Variants in G3BP2 observed in about 807,000 individuals in gnomAD.
G3BP2 encodes the protein ras GTPase-activating protein-binding protein 2.
In G3BP2, 11 loss-of-function variants were observed where a neutral mutation model predicts 56.7. The observed-to-expected ratio is 0.19, with a 90% CI of 0.12 to 0.32. The LOEUF (loss-of-function observed/expected upper bound fraction) is 0.32, where lower values mean the gene tolerates loss of function less well. Among genes scored for constraint, G3BP2 ranks in the 10% least tolerant of loss-of-function variants. The pLI, the probability that G3BP2 is intolerant of heterozygous loss-of-function variation, is 1.00. For missense variants in G3BP2, 340 were observed against 610.9 expected (o/e 0.56, Z 4.67); for synonymous variants, 165 against 191.6 (o/e 0.86, Z 1.15).
chr4:75,659,353 C>T (rs1732365770), intron 2 of G3BP2, among the ~76,000 whole-genome samples: 1 of 152,094 alleles, frequency 6.6e-6, no homozygotes, highest in East Asian at 1.9e-4. Flanking sequence ...AATACTGTAT[C>T]CAGATCTCCA....
intron 3 of G3BP2, among the ~76,000 whole-genome samples, chr4:75,707,772 T>C (rs1719609132): frequency 6.6e-6 from 1 of 152,144 alleles, no homozygotes; most frequent in Non-Finnish European, 1.5e-5. Flanking sequence ...TGAACTTGCA[T>C]TTTTCAAACT....
chr4:75,645,706 T>C lies in G3BP2; in HGVS notation c.1177-4A>G, dbSNP rs760780343. 2 of 1,612,350 alleles carry C rather than the reference T, an allele frequency of 1.2e-6. No individual in the cohort carries two copies. Among genetic ancestry groups the C allele is most frequent in the African/African-American group, 2.7e-5 (2 of 74,824 alleles). ...CTTCCCCTCGAAACATAATCGGCTT[T>C]ATAAAAGAGAAGAAAAATATTTACA... On this transcript the variant is annotated splice_region_variant and splice_polypyrimidine_tract_variant and intron_variant, in intron 11 of 11. Coordinates refer to ENST00000359707, the MANE Select transcript of G3BP2 (RefSeq NM_203505.3).
rs895648852 is a variant in G3BP2 at position 75,644,839 on chromosome 4, A to G, written c.*591T>C. The G allele has an allele frequency of 1.3e-5, 2 of 152,968 alleles. No homozygotes were observed. Among genetic ancestry groups the G allele is most frequent in the African/African-American group, 2.4e-5 (1 of 41,472 alleles). 9.5% of individuals were successfully genotyped at this position (152,968 alleles called of 1,614,324 possible). On this transcript the variant is annotated 3_prime_UTR_variant, in exon 12 of 12. Transcript: ENST00000359707. ...TGTACACACGCTGGTCACAGCAAGC[A>G]GATAAAATGCCCTCATCATTTCACA...
Position 75,655,147 on chromosome 4 carries a change from C to T in G3BP2, c.645G>A (p.Glu215=), listed in dbSNP as rs773203267. Residue 215 remains glutamate (E), a synonymous_variant, in exon 7 of 12, where the codon GAG becomes GAA. Coordinates refer to ENST00000359707, the MANE Select transcript of G3BP2 (RefSeq NM_203505.3). ...TCTCCTCTAGTTCTTCTAAGTTCTT[C>T]TCCTCCACTTGTGGTTTCAGCTCTT... ...KTEELKPQVE[E]KNLEELEEKS... is the part of the protein sequence containing the mutation. The T allele has an allele frequency of 6.2e-7, 1 of 1,613,360 alleles. No homozygotes were observed. The highest frequency in any genetic ancestry group is 8.5e-7 in the Non-Finnish European group (1 of 1,179,290).
chr4:75,709,690 G>C (rs1292891261), intron 3 of G3BP2, among the ~76,000 whole-genome samples: 1 of 152,100 alleles, frequency 6.6e-6, no homozygotes, highest in East Asian at 1.9e-4. Flanking sequence ...GTGTGTGTGT[G>C]GTGGGGCGGG....
rs2148934731 is a variant in G3BP2, at chr4:75,644,183, A to G, written c.*1247T>C. The G allele has an allele frequency of 6.5e-6, 1 of 152,694 alleles. No homozygotes were observed. The highest frequency in any genetic ancestry group is 6.5e-5 in the Admixed American group (1 of 15,300). 9.5% of individuals were successfully genotyped at this position (152,694 alleles called of 1,614,324 possible). On this transcript the variant is annotated 3_prime_UTR_variant, in exon 12 of 12. Coordinates refer to ENST00000359707, the MANE Select transcript of G3BP2 (RefSeq NM_203505.3). ...GACTGCTTTTAAAATGTCACTAAAAATGTACGTCAAGTTGACTGACTTTTC... is the reference window on the plus strand; with the variant it reads ...GACTGCTTTTAAAATGTCACTAAAAGTGTACGTCAAGTTGACTGACTTTTC...
At chr4:75,705,661 A>G (rs1390056541) in intron 3 of G3BP2, among the ~76,000 whole-genome samples, 1 of 152,148 alleles carries the variant, frequency 6.6e-6, no homozygotes, top group Non-Finnish European at 1.5e-5. Flanking sequence ...ATCAGGGCTG[A>G]GTAGTGGAAA....
At chr4:75,709,190 G>A (rs1719660445) in intron 3 of G3BP2, among the ~76,000 whole-genome samples, 1 of 152,096 alleles carries the variant, frequency 6.6e-6, no homozygotes, top group Admixed American at 6.6e-5. Flanking sequence ...GGGAGGCTGA[G>A]GCAGGGGGAT....
chr4:75,678,143 TTTGTTG>T (rs34746702), upstream of G3BP2, among the ~76,000 whole-genome samples: 69 of 151,846 alleles, frequency 4.5e-4, 1 homozygote, highest in South Asian at 0.013. Flanking sequence ...GAAGGGTGGT[TTTGTTG>T]TTGTTGTTGT....
chr4:75,691,950 A>C (rs1315182592), intron 3 of G3BP2, among the ~76,000 whole-genome samples: 2 of 152,202 alleles, frequency 1.3e-5, no homozygotes, highest in Non-Finnish European at 2.9e-5. Flanking sequence ...TTTCCCAAAG[A>C]ACTGAAAATC....
chr4:75,670,312 C>T (rs952819460), intron 1 of G3BP2: 7 of 152,184 alleles, frequency 4.6e-5, no homozygotes, highest in African/African-American at 1.7e-4. Context: ...TTCTGAAATT[C>T]CAGATGGTTT....
chr4:75,667,123 C>T (rs890260022), intron 1 of G3BP2, among the ~76,000 whole-genome samples: 1 of 151,912 alleles, frequency 6.6e-6, no homozygotes, highest in African/African-American at 2.4e-5. Context: ...CCCGTCTCTA[C>T]TAAAAAATAC....
intron 1 of G3BP2, among the ~76,000 whole-genome samples, chr4:75,664,324 C>T (rs764543623): frequency 1.7e-4 from 26 of 152,060 alleles, no homozygotes; most frequent in Non-Finnish European, 2.5e-4. Flanking sequence ...CGCCTGTAAT[C>T]CCAGCACTTC....
intron 8 of G3BP2, among the ~76,000 whole-genome samples, chr4:75,650,426 CAA>C (rs1220235661): frequency 3.0e-4 from 23 of 76,746 alleles, no homozygotes; most frequent in Admixed American, 9.7e-4. Context: ...AACTCCATCT[CAA>C]AAAAAAAAAA....
At chr4:75,707,020 C>CCA (rs1271236358) in intron 3 of G3BP2, among the ~76,000 whole-genome samples, 1 of 151,538 alleles carries the variant, frequency 6.6e-6, no homozygotes, top group East Asian at 2.0e-4. Flanking sequence ...TGGAGAAACC[C>CCA]TGTCTCTACT....
intron 3 of G3BP2, among the ~76,000 whole-genome samples, chr4:75,715,790 T>TA (rs1719906016): frequency 1.3e-5 from 2 of 152,228 alleles, no homozygotes; most frequent in Admixed American, 6.5e-5. Flanking sequence ...TGAAATGTGT[T>TA]AAATACTTCC....
chr4:75,709,719 G>A (rs1719686693), intron 3 of G3BP2, among the ~76,000 whole-genome samples: 1 of 152,096 alleles, frequency 6.6e-6, no homozygotes, highest in Non-Finnish European at 1.5e-5. Flanking sequence ...ATGGGGTTAG[G>A]GGGTCGTGTC....
Position 75,687,581 on chromosome 4 carries a change from G to A in G3BP2, c.-24-25532C>T, listed in dbSNP as rs1477429890. Among the ~76,000 whole-genome samples the A allele has an allele frequency of 2.6e-5, 4 of 152,212 alleles. No individual in the cohort carries two copies. The South Asian group carries it at 6.2e-4, about 24-fold the overall frequency. On this transcript the variant is annotated intron_variant, in intron 3 of 3. Transcript: ENST00000499709. ...ACTTGTCATAGAAACCTGTAAAACT[G>A]ACGAATGATTTGTAACTCTTTGCTT...
Position 75,646,422 on chromosome 4 carries a change from G to C in G3BP2, c.1092C>G (p.Thr364=), listed in dbSNP as rs1246700616. The C allele has an allele frequency of 6.2e-7, 1 of 1,610,562 alleles. No individual in the cohort carries two copies. Among genetic ancestry groups the C allele is most frequent in the East Asian group, 2.2e-5 (1 of 44,810 alleles). The part of the protein sequence containing the change: ...FGNVVELRIN[T]KGVGGKLPNF... ...TTGGAAGCTTTCCCCCAACACCCTT[G>C]GTATTGATGCGAAGTTCCACAACGT... The change falls in exon 11 of 12, where the codon ACC becomes ACG. Residue 364 remains threonine, a synonymous_variant. Transcript: ENST00000359707.
Sources: gnomAD v4.1 joint callset for allele counts (sites outside exome capture counted in the v4.1 genomes callset) on GRCh38, gnomAD v4.1.1 for gene constraint, MANE v1.5 for transcripts, NCBI Gene and HGNC (gene_info 2026-07-23, HGNC 2026-07-21) for gene names.